SNTB2: variants seen among roughly 807,000 people sequenced by gnomAD.
SNTB2 encodes syntrophin beta 2.
A neutral mutation model predicts 46.2 loss-of-function variants in SNTB2; 34 were observed. That is an observed-to-expected ratio of 0.74 (90% confidence interval 0.56 to 0.98). The LOEUF is 0.98. SNTB2 is among the 50% of genes least tolerant of loss of function. The pLI, the probability that SNTB2 is intolerant of heterozygous loss-of-function variation, is 0.00. For synonymous variants in SNTB2, 290 were observed against 312.6 expected (o/e 0.93, Z 0.76); for missense variants, 603 against 731.4 (o/e 0.82, Z 2.02).
At chr16:69,235,598 TAAAAGGAAGG>T (rs974416539) in intron 1 of SNTB2, 2 of 1,062,120 alleles carry the variant, frequency 1.9e-6, no homozygotes, top group African/African-American at 3.4e-5. Context: ...AGGGGGGAAC[TAAAAGGAAGG>T]GAAAGGAAGA....
In SNTB2 at chr16:69,212,328, G is replaced by GTATTTATT. The variant is rs71254073; in HGVS notation, c.580+24604_580+24611dup. 2.4e-3 allele frequency among the ~76,000 whole-genome samples: 360 copies of GTATTTATT among 150,908 alleles called. 1 individual carries two copies. The highest frequency in any genetic ancestry group is 0.017 in the Middle Eastern group (5 of 288). ...CAAAGTTGAGCATGCCTTTGTGTTT[G>GTATTTATT]TATTTATTTATTTATTTATTTATTT... is the stretch of plus-strand genomic sequence containing the variant. On this transcript the variant is annotated intron_variant, in intron 1 of 6. Transcript: ENST00000336278.
At chr16:69,292,009 G>A (rs1348011003) in intron 5 of SNTB2, among the ~76,000 whole-genome samples, 1 of 151,870 alleles carries the variant, frequency 6.6e-6, no homozygotes, top group East Asian at 2.0e-4. Context: ...CATGAGGTCA[G>A]GAGATCGAGT....
intron 3 of SNTB2, among the ~76,000 whole-genome samples, chr16:69,268,995 C>A (rs142379004): frequency 6.6e-6 from 1 of 151,364 alleles, no homozygotes; most frequent in Non-Finnish European, 1.5e-5. Context: ...CATGGAGAAA[C>A]CTCGTCTCTA....
chr16:69,201,827 TA>T (rs1422993949), intron 1 of SNTB2, among the ~76,000 whole-genome samples: 1 of 152,080 alleles, frequency 6.6e-6, no homozygotes, highest in Admixed American at 6.6e-5. Context: ...GTATTATTAT[TA>T]TTTTTTTTGA....
In SNTB2 at chr16:69,187,688, C is replaced by A; in HGVS notation, c.522C>A (p.Ala174=). The A allele has an allele frequency of 6.5e-7, 1 of 1,546,540 alleles. No individual in the cohort carries two copies. Among genetic ancestry groups the A allele is most frequent in the Admixed American group, 1.9e-5 (1 of 52,264 alleles). Residue 174 remains alanine, a synonymous_variant, in exon 1 of 7, where the codon GCC becomes GCA. Coordinates refer to ENST00000336278, the MANE Select transcript of SNTB2 (RefSeq NM_006750.4). ...TGAACGGCACCGACCTGCGCCAGGC[C>A]ACCCACGACCAGGCCGTGCAGGCGC... ...LSVNGTDLRQ[A]THDQAVQALK...
At chr16:69,226,167 G>A (rs544886586) in intron 1 of SNTB2, among the ~76,000 whole-genome samples, 3 of 152,024 alleles carry the variant, frequency 2.0e-5, no homozygotes, top group Non-Finnish European at 2.9e-5. Flanking sequence ...TGCTTCCTGG[G>A]TTAAAGCAAT....
chr16:69,281,905 C>CTT (rs776664092), intron 4 of SNTB2, among the ~76,000 whole-genome samples: 19,922 of 125,152 alleles, frequency 0.16, 1,891 homozygotes, highest in African/African-American at 0.19. Context: ...TTGTTTCTCT[C>CTT]TTTTTTTTTT....
At chr16:69,281,966 C>T (rs1221721438) in intron 4 of SNTB2, among the ~76,000 whole-genome samples, 2 of 141,638 alleles carry the variant, frequency 1.4e-5, no homozygotes, top group Non-Finnish European at 3.0e-5. Context: ...AGTGCAGTAG[C>T]GCAATCTCGG....
intron 4 of SNTB2, among the ~76,000 whole-genome samples, chr16:69,271,247 G>T (rs1964934538): frequency 1.3e-5 from 2 of 152,120 alleles, no homozygotes; most frequent in African/African-American, 4.8e-5. Flanking sequence ...GGAGCTCCTA[G>T]ATCACAGAAT....
chr16:69,304,959 C>T lies in SNTB2; in HGVS notation c.*4035C>T, dbSNP rs1965305434. The stretch of plus-strand genomic sequence containing the variant: ...CTGGGATTACAGATGTGAGCCACTG[C>T]ACCTGGCCCCAGAAATTATGCTTAA... On this transcript the variant is annotated 3_prime_UTR_variant, in exon 7 of 7. Transcript: ENST00000336278. 1 of 151,398 alleles carries T rather than the reference C, an allele frequency of 6.6e-6. No homozygotes were observed. The highest frequency in any genetic ancestry group is 2.4e-5 in the African/African-American group (1 of 41,118). The allele number at this position is 151,398 out of a possible 1,614,324, so 9.4% of individuals were successfully genotyped here.
rs1378100877 is a variant in SNTB2, at chr16:69,187,367, C to T, written c.201C>T (p.Ala67=). The T allele has an allele frequency of 2.2e-6, 3 of 1,388,126 alleles. No individual in the cohort carries two copies. The highest frequency in any genetic ancestry group is 1.6e-5 in the South Asian group (1 of 63,992). 86.0% of individuals were successfully genotyped at this position (1,388,126 alleles called of 1,614,324 possible). A position where few individuals can be genotyped will look rare whatever the true frequency, so the allele number is the denominator to read the frequency against. The change falls in exon 1 of 7, where the codon GCC becomes GCT. Residue 67 remains alanine (A), a synonymous_variant. Coordinates refer to ENST00000336278, the MANE Select transcript of SNTB2 (RefSeq NM_006750.4). ...AELEPALGPA[A]AAFNGLPNGG... ...TGGAGCCCGCTCTGGGACCCGCGGC[C>T]GCCGCCTTCAACGGCCTCCCAAACG... is the stretch of plus-strand genomic sequence containing the variant.
chr16:69,290,378 A>G (rs1052520664), intron 5 of SNTB2, among the ~76,000 whole-genome samples: 1 of 152,194 alleles, frequency 6.6e-6, no homozygotes, highest in African/African-American at 2.4e-5. Context: ...AACTTTATGA[A>G]GGCACTTTAT....
At chr16:69,291,891 C>A (rs1965162372) in intron 5 of SNTB2, among the ~76,000 whole-genome samples, 1 of 151,606 alleles carries the variant, frequency 6.6e-6, no homozygotes, top group Admixed American at 6.6e-5. Context: ...GCACTGCACT[C>A]CAGCCTGGGC....
At chr16:69,217,439 C>T (rs1964360147) in intron 1 of SNTB2, among the ~76,000 whole-genome samples, 4 of 152,114 alleles carry the variant, frequency 2.6e-5, no homozygotes, top group Admixed American at 2.6e-4. Flanking sequence ...AGCCACTGCA[C>T]TCCAGCCTGG....
At position 69,304,662 on chromosome 16, in the gene SNTB2, T is replaced by G. The variant is rs1397512148; in HGVS notation, c.*3738T>G. On this transcript the variant is annotated 3_prime_UTR_variant, in exon 7 of 7. Coordinates refer to ENST00000336278, the MANE Select transcript of SNTB2 (RefSeq NM_006750.4). ...GCTGATAAACCAGAATTTGTTCTTT[T>G]TTTTCCTTCTTTTTTTTTTGAGACA... 6.6e-6 allele frequency: 1 copy of G among 152,060 alleles called. No individual in the cohort carries two copies. The highest frequency in any genetic ancestry group is 1.5e-5 in the Non-Finnish European group (1 of 68,014). 9.4% of individuals were successfully genotyped at this position (152,060 alleles called of 1,614,324 possible). A position where few individuals can be genotyped will look rare whatever the true frequency, so the allele number is the denominator to read the frequency against.
At position 69,301,216 on chromosome 16, in the gene SNTB2, C is replaced by A. The variant is rs1385120464; in HGVS notation, c.*292C>A. The stretch of plus-strand genomic sequence containing the variant: ...TTATTTCTACTGCTAAAAAGAATGG[C>A]TCATTGTTTTCTTTTTTTTTCATTG... On this transcript the variant is annotated 3_prime_UTR_variant, in exon 7 of 7. Coordinates refer to ENST00000336278, the MANE Select transcript of SNTB2 (RefSeq NM_006750.4). 11 of 251,052 alleles carry A rather than the reference C, an allele frequency of 4.4e-5. No individual in the cohort carries two copies. The highest frequency in any genetic ancestry group is 7.7e-5 in the Non-Finnish European group (10 of 129,128). The allele number at this position is 251,052 out of a possible 1,614,324, so 15.6% of individuals were successfully genotyped here.
chr16:69,273,401 AC>A (rs1228501203), intron 4 of SNTB2, among the ~76,000 whole-genome samples: 1 of 152,276 alleles, frequency 6.6e-6, no homozygotes, highest in African/African-American at 2.4e-5. Flanking sequence ...GCAGTTAAAA[AC>A]AATAATGTTC....
chr16:69,240,737 A>G (rs562523212), intron 1 of SNTB2: 19 of 152,378 alleles, frequency 1.2e-4, no homozygotes, highest in African/African-American at 4.3e-4. Flanking sequence ...CGATTATATG[A>G]GAAGTTGATG....
chr16:69,214,552 A>C (rs1337325608), intron 1 of SNTB2, among the ~76,000 whole-genome samples: 1 of 151,894 alleles, frequency 6.6e-6, no homozygotes, highest in African/African-American at 2.4e-5. Context: ...TTTGAGGCAG[A>C]GTCTCGCTCT....
Sources: gnomAD v4.1 joint callset for allele counts (sites outside exome capture counted in the v4.1 genomes callset) on GRCh38, gnomAD v4.1.1 for gene constraint, MANE v1.5 for transcripts, NCBI Gene and HGNC (gene_info 2026-07-23, HGNC 2026-07-21) for gene names.